The following APCDD1L variants were observed in gnomAD, a reference collection of about 807,000 sequenced individuals.
APCDD1L encodes protein APCDD1-like.
Under a neutral mutation model 24.2 loss-of-function variants are expected in APCDD1L, and 21 were observed. The observed-to-expected ratio is 0.87, with a 90% CI of 0.61 to 1.25. The LOEUF is 1.25. Ranked by LOEUF, APCDD1L falls within the 50% of genes most tolerant of loss-of-function variation. APCDD1L has a pLI of 0.00. For missense variants in APCDD1L, 704 were observed against 711.7 expected, an observed-to-expected ratio of 0.99 and a Z score of 0.12; for synonymous variants, 321 against 323.6, an observed-to-expected ratio of 0.99 and a Z score of 0.09.
rs1990283638 is a variant in APCDD1L at position 58,494,510 on chromosome 20, T to C, written c.49+20149A>G. The stretch of plus-strand genomic sequence containing the variant: ...ACTGCCACACTCAGCTAATTTTTAA[T>C]TTTTTTTTTGGTAGAGATGGGGTCT... On this transcript the variant is annotated intron_variant, in intron 1 of 3. Transcript: ENST00000371149. The surrounding 1 kb of genome is among the most constrained non-coding windows in gnomAD (Gnocchi z 4.8). Among the ~76,000 whole-genome samples, 1 of 8,972 alleles carries C rather than the reference T, an allele frequency of 1.1e-4. No homozygotes were observed. Among genetic ancestry groups the C allele is most frequent in the Non-Finnish European group, 2.0e-4 (1 of 4,932 alleles). 5.9% of individuals were successfully genotyped at this position (8,972 alleles called of 152,430 possible). A position where few individuals can be genotyped will look rare whatever the true frequency, so the allele number is the denominator to read the frequency against.
intron 1 of APCDD1L, among the ~76,000 whole-genome samples, chr20:58,492,328 C>T (rs572223646): frequency 6.6e-6 from 1 of 152,202 alleles, no homozygotes; most frequent in Admixed American, 6.5e-5. Context: ...AAGAAGTCCT[C>T]CAAATCTTAA....
rs1990569846 is a variant in APCDD1L, at chr20:58,508,758, A to G, written c.49+5901T>C. ...AGGGACCCGGGAAAGAACTGTCGAT[A>G]AAACAGGCCAGGCCTTCTTCTTGTG... On this transcript the variant is annotated intron_variant, in intron 1 of 3. Transcript: ENST00000371149. This position sits in a 1 kb window ranked among gnomAD's most constrained non-coding sequence, Gnocchi z 4.0. 6.6e-6 allele frequency among the ~76,000 whole-genome samples: 1 copy of G among 152,202 alleles called. No homozygotes were observed. The highest frequency in any genetic ancestry group is 1.5e-5 in the Non-Finnish European group (1 of 68,030).
chr20:58,500,400 C>G (rs902124232), intron 1 of APCDD1L, among the ~76,000 whole-genome samples: 1 of 152,088 alleles, frequency 6.6e-6, no homozygotes, highest in African/African-American at 2.4e-5. Flanking sequence ...TGAACGTCAC[C>G]AGTGGGATCC....
intron 1 of APCDD1L, among the ~76,000 whole-genome samples, chr20:58,511,900 GA>G (rs140913901): frequency 2.8e-4 from 41 of 147,200 alleles, no homozygotes; most frequent in East Asian, 1.4e-3. Flanking sequence ...GCTGAAATTA[GA>G]AAAAAAAAAT....
intron 1 of APCDD1L, among the ~76,000 whole-genome samples, chr20:58,510,785 G>T (rs1020818145): frequency 6.6e-6 from 1 of 152,206 alleles, no homozygotes; most frequent in African/African-American, 2.4e-5. Flanking sequence ...GCCTGGACCT[G>T]CATGGTGTCA....
Position 58,514,828 on chromosome 20 carries a change from T to C in APCDD1L, c.-121A>G. Reference sequence around the variant, plus strand: ...GCCAGGCTGGAGTCCTGCGAAGAAGTTGCGAGGGTCCTGCGCCCCCCTCGG... The same window carrying C: ...GCCAGGCTGGAGTCCTGCGAAGAAGCTGCGAGGGTCCTGCGCCCCCCTCGG... On this transcript the variant is annotated 5_prime_UTR_variant, in exon 1 of 4. Coordinates refer to ENST00000371149, the MANE Select transcript of APCDD1L (RefSeq NM_153360.3). 2 of 737,234 alleles carry C rather than the reference T, an allele frequency of 2.7e-6. No individual in the cohort carries two copies. The highest frequency in any genetic ancestry group is 7.0e-5 in the South Asian group (1 of 14,230). The allele number at this position is 737,234 out of a possible 1,614,324, so 45.7% of individuals were successfully genotyped here.
chr20:58,498,585 G>C (rs1261312499), intron 1 of APCDD1L, among the ~76,000 whole-genome samples: 1 of 152,238 alleles, frequency 6.6e-6, no homozygotes, highest in East Asian at 1.9e-4. Context: ...AGAGGGTGTT[G>C]AGGGCCCGGC....
intron 1 of APCDD1L, among the ~76,000 whole-genome samples, chr20:58,510,770 G>A (rs1274042757): frequency 6.6e-6 from 1 of 152,200 alleles, no homozygotes; most frequent in Non-Finnish European, 1.5e-5. Flanking sequence ...AGCAAGAAGG[G>A]TGGAGCCTGG....
chr20:58,466,982 G>T, intron 3 of APCDD1L, 124 bp downstream of exon 3: 1 of 1,258,760 alleles, frequency 7.9e-7, no homozygotes, highest in Admixed American at 2.9e-5. Flanking sequence ...GAGGGGCAGT[G>T]ATGACAGCCG....
intron 1 of APCDD1L, among the ~76,000 whole-genome samples, chr20:58,489,646 T>C (rs191630901): frequency 4.1e-4 from 61 of 147,518 alleles, no homozygotes; most frequent in African/African-American, 1.5e-3. Flanking sequence ...ATCACGCCAC[T>C]GCACTCCAGC....
intron 1 of APCDD1L, among the ~76,000 whole-genome samples, chr20:58,496,639 G>T (rs955591195): frequency 6.6e-6 from 1 of 152,252 alleles, no homozygotes; most frequent in Non-Finnish European, 1.5e-5. Flanking sequence ...CAGAGCTAAT[G>T]TCGGGGGTCA....
chr20:58,475,702 G>T (rs1989895387), intron 1 of APCDD1L, among the ~76,000 whole-genome samples: 1 of 152,048 alleles, frequency 6.6e-6, no homozygotes, highest in African/African-American at 2.4e-5. Context: ...ACGCTGAGTG[G>T]CTGAAGCAAC....
intron 3 of APCDD1L, among the ~76,000 whole-genome samples, chr20:58,462,993 T>TTAGCC (rs1341784889): frequency 6.6e-6 from 1 of 151,448 alleles, no homozygotes; most frequent in Non-Finnish European, 1.5e-5. Context: ...AATACAAAAA[T>TTAGCC]TAGCCAGGTG....
chr20:58,474,268 T>C (rs1989867315), intron 1 of APCDD1L, among the ~76,000 whole-genome samples: 1 of 152,266 alleles, frequency 6.6e-6, no homozygotes, highest in Non-Finnish European at 1.5e-5. Flanking sequence ...ACATGGGTTC[T>C]GTCAATGCAC....
chr20:58,483,693 C>A (rs1990067368), intron 1 of APCDD1L, among the ~76,000 whole-genome samples: 1 of 152,184 alleles, frequency 6.6e-6, no homozygotes, highest in Non-Finnish European at 1.5e-5. Context: ...GGCTCTACGG[C>A]CCCCGCTGGC....
intron 1 of APCDD1L, among the ~76,000 whole-genome samples, chr20:58,475,719 C>T (rs868362115): frequency 1.3e-5 from 2 of 152,016 alleles, no homozygotes; most frequent in South Asian, 2.1e-4. Context: ...CAACAGGAGT[C>T]GATCCTTTCC....
intron 3 of APCDD1L, among the ~76,000 whole-genome samples, chr20:58,463,903 G>GA (rs1056191262): frequency 7.7e-5 from 10 of 130,516 alleles, no homozygotes; most frequent in African/African-American, 2.7e-4. Context: ...TTGGGGGGGG[G>GA]GGGCGTCACA....
chr20:58,491,024 C>T (rs2123169407), intron 1 of APCDD1L, among the ~76,000 whole-genome samples: 1 of 152,292 alleles, frequency 6.6e-6, no homozygotes, highest in Middle Eastern at 3.4e-3. Context: ...ATTAAAAGAT[C>T]TTTCCAAAGA....
At chr20:58,495,466 C>T (rs1229918989) in intron 1 of APCDD1L, among the ~76,000 whole-genome samples, 1 of 152,176 alleles carries the variant, frequency 6.6e-6, no homozygotes, top group Non-Finnish European at 1.5e-5. Flanking sequence ...ATGGGCCTGA[C>T]CTTCTAGGCT....
Sources: allele counts gnomAD v4.1 joint callset (sites outside exome capture counted in the v4.1 genomes callset), GRCh38; gene constraint gnomAD v4.1.1; non-coding constraint Gnocchi (gnomAD v3.1); transcripts MANE v1.5; gene names NCBI Gene and HGNC (gene_info 2026-07-23, HGNC 2026-07-21).